The following CSMD1 variants were observed in gnomAD, a reference collection of about 807,000 sequenced individuals.
CSMD1 encodes CUB and Sushi multiple domains 1.
A neutral mutation model predicts 417.5 loss-of-function variants in CSMD1; 213 were observed. The ratio of observed to expected loss-of-function variants is 0.51; its 90% CI spans 0.46 to 0.57. The LOEUF (loss-of-function observed/expected upper bound fraction) is 0.57, where lower values mean the gene tolerates loss of function less well. CSMD1 is among the 20% of genes least tolerant of loss of function. The pLI is 0.00. For missense variants in CSMD1, 6,923 were observed against 4,529.7 expected (o/e 1.53, Z -15.17); for synonymous variants, 2,862 against 1,736.8 (o/e 1.65, Z -16.11).
chr8:4,818,085 T>C (rs986309430), intron 1 of CSMD1, among the ~76,000 whole-genome samples: 7 of 152,180 alleles, frequency 4.6e-5, no homozygotes, highest in Non-Finnish European at 1.0e-4. Flanking sequence ...GAGGATGCAT[T>C]GAACTGAACA....
intron 3 of CSMD1, among the ~76,000 whole-genome samples, chr8:4,369,507 C>T (rs1478375524): frequency 2.0e-5 from 3 of 152,062 alleles, no homozygotes; most frequent in South Asian, 2.1e-4. Flanking sequence ...TAGTTTTCTG[C>T]CACAATGATT....
chr8:4,693,650 T>G (rs1806922792), intron 1 of CSMD1, among the ~76,000 whole-genome samples: 2 of 152,152 alleles, frequency 1.3e-5, no homozygotes, highest in Admixed American at 6.5e-5. Context: ...GATCTTTCAT[T>G]TTAGTATTCA....
chr8:4,390,971 C>G (rs544622823), intron 3 of CSMD1, among the ~76,000 whole-genome samples: 1 of 152,292 alleles, frequency 6.6e-6, no homozygotes, highest in Non-Finnish European at 1.5e-5. Flanking sequence ...AAAACAGATT[C>G]TGTAACTTTC....
chr8:3,684,600 T>TC (rs1382242986), intron 7 of CSMD1, among the ~76,000 whole-genome samples: 4 of 142,776 alleles, frequency 2.8e-5, no homozygotes, highest in Admixed American at 7.0e-5. Flanking sequence ...TACAGTCTTT[T>TC]TTTTTTTTTT....
chr8:4,257,336 T>C (rs887685599), intron 3 of CSMD1, among the ~76,000 whole-genome samples: 1 of 152,186 alleles, frequency 6.6e-6, no homozygotes, highest in African/African-American at 2.4e-5. Context: ...TTTTTAACCA[T>C]CCATTCAAGG....
chr8:4,780,670 C>T (rs543128425), intron 1 of CSMD1, among the ~76,000 whole-genome samples: 2 of 152,074 alleles, frequency 1.3e-5, no homozygotes, highest in East Asian at 3.9e-4. Flanking sequence ...ACCCATCACC[C>T]GAGTGGTATA....
chr8:4,602,800 G>A (rs1800662042), intron 2 of CSMD1, among the ~76,000 whole-genome samples: 1 of 151,874 alleles, frequency 6.6e-6, no homozygotes, highest in African/African-American at 2.4e-5. Context: ...ACAATGACTG[G>A]ATTTTTTAGA....
rs565255842 is a variant in CSMD1, at chr8:3,792,375, T to C, written c.819-38333A>G. 4.7e-3 allele frequency among the ~76,000 whole-genome samples: 719 copies of C among 152,324 alleles called. 2 individuals are homozygous for C. Among genetic ancestry groups the C allele is most frequent in the Non-Finnish European group, 6.2e-3 (419 of 68,024 alleles). Reference sequence around the variant, plus strand: ...CACATGTACATTATGATCATTAATGTAGCCACTTCCTGCCTCATTTCTTAA... The same window carrying C: ...CACATGTACATTATGATCATTAATGCAGCCACTTCCTGCCTCATTTCTTAA... On this transcript the variant is annotated intron_variant, in intron 5 of 69. Coordinates refer to ENST00000635120, the MANE Select transcript of CSMD1 (RefSeq NM_033225.6).
chr8:4,948,687 T>C (rs145238016), intron 1 of CSMD1, among the ~76,000 whole-genome samples: 4 of 152,068 alleles, frequency 2.6e-5, no homozygotes, highest in African/African-American at 9.7e-5. Context: ...TTTTAAATAA[T>C]TTGTGTGTAT....
At chr8:3,622,684 G>T (rs570859429) in intron 7 of CSMD1, among the ~76,000 whole-genome samples, 2 of 152,190 alleles carry the variant, frequency 1.3e-5, no homozygotes, top group South Asian at 2.1e-4. Flanking sequence ...AAATACAGGC[G>T]ATTTTCTGAA....
intron 7 of CSMD1, among the ~76,000 whole-genome samples, chr8:3,670,171 G>C (rs1020116771): frequency 2.0e-5 from 3 of 151,928 alleles, no homozygotes; most frequent in African/African-American, 7.3e-5. Flanking sequence ...AATGGATCAG[G>C]GAAGGCAGAC....
At chr8:4,897,673 C>T (rs974651821) in intron 1 of CSMD1, among the ~76,000 whole-genome samples, 13 of 152,032 alleles carry the variant, frequency 8.6e-5, no homozygotes, top group Non-Finnish European at 7.4e-5. Flanking sequence ...TATCTTAAGC[C>T]AGCACAACTT....
At chr8:3,844,875 G>GT (rs1313323913) in intron 5 of CSMD1, among the ~76,000 whole-genome samples, 7 of 152,138 alleles carry the variant, frequency 4.6e-5, no homozygotes, top group African/African-American at 1.4e-4. Context: ...TAAAACTAAA[G>GT]TTTTTTCTAA....
chr8:3,787,878 G>T (rs1286702552), intron 5 of CSMD1, among the ~76,000 whole-genome samples: 1 of 152,202 alleles, frequency 6.6e-6, no homozygotes, highest in African/African-American at 2.4e-5. Context: ...GTATAAGTAT[G>T]AGAGAGTGTT....
At chr8:3,744,535 T>C (rs945109504) in intron 6 of CSMD1, among the ~76,000 whole-genome samples, 1 of 152,192 alleles carries the variant, frequency 6.6e-6, no homozygotes, top group Non-Finnish European at 1.5e-5. Flanking sequence ...CAAAGATTCG[T>C]TTCTTTATTT....
At chr8:4,055,801 C>G (rs920240864) in intron 3 of CSMD1, among the ~76,000 whole-genome samples, 5 of 151,954 alleles carry the variant, frequency 3.3e-5, no homozygotes, top group African/African-American at 7.3e-5. Context: ...CTTCAAATGA[C>G]TAACACTGAA....
intron 3 of CSMD1, among the ~76,000 whole-genome samples, chr8:4,139,858 A>T (rs933080003): frequency 6.6e-6 from 1 of 150,970 alleles, no homozygotes; most frequent in Admixed American, 6.6e-5. Context: ...GATCAGATGG[A>T]AATTTTAGAT....
rs566099587 is a variant in CSMD1, at chr8:4,773,667, G to A, written c.86-136109C>T. 7.9e-5 allele frequency among the ~76,000 whole-genome samples: 12 copies of A among 152,210 alleles called. No individual in the cohort carries two copies. In the South Asian group the frequency reaches 1.2e-3, roughly 16 times the overall value. Reference sequence around the variant, plus strand: ...ACGAGCACTGCAATGTGTTTGTGCAGCCTTTATCGTCAGGCTTTGCACGCC... The same window carrying A: ...ACGAGCACTGCAATGTGTTTGTGCAACCTTTATCGTCAGGCTTTGCACGCC... On this transcript the variant is annotated intron_variant, in intron 1 of 69. Coordinates refer to ENST00000635120, the MANE Select transcript of CSMD1 (RefSeq NM_033225.6).
intron 1 of CSMD1, among the ~76,000 whole-genome samples, chr8:4,763,569 T>C (rs1812258914): frequency 6.6e-6 from 1 of 152,182 alleles, no homozygotes; most frequent in South Asian, 2.1e-4. Flanking sequence ...TCTATTGTCT[T>C]ACTTGCTGCG....
Sources: allele counts gnomAD v4.1 joint callset (sites outside exome capture counted in the v4.1 genomes callset), GRCh38; gene constraint gnomAD v4.1.1; transcripts MANE v1.5; gene names NCBI Gene and HGNC (gene_info 2026-07-23, HGNC 2026-07-21).